The following SDK1 variants were observed in gnomAD, a reference collection of about 807,000 sequenced individuals.
SDK1 encodes the protein sidekick cell adhesion molecule 1, also known as protein sidekick-1.
Under a neutral mutation model 245.5 loss-of-function variants are expected in SDK1, and 157 were observed. The ratio of observed to expected loss-of-function variants is 0.64; its 90% CI spans 0.56 to 0.73. The LOEUF is 0.73. Ranked by LOEUF, SDK1 falls within the 30% of genes least tolerant of loss-of-function variation. The probability of loss-of-function intolerance (pLI) is 0.00; values close to 1 mark genes in which losing one functional copy is unlikely to be tolerated. For synonymous variants in SDK1, 1,647 were observed against 1,278.5 expected (o/e 1.29, Z -6.15); for missense variants, 3,583 against 3,002.3 (o/e 1.19, Z -4.52).
rs201304360 is a variant in SDK1 at position 3,975,940 on chromosome 7, G to A, written c.1994+1395G>A. The stretch of plus-strand genomic sequence containing the variant: ...CCTCCAGAGAATCACTGAGGGTCCC[G>A]GGGCTGAGGCTGCCACGCAGAGGGT... On this transcript the variant is annotated intron_variant, in intron 13 of 44. Coordinates refer to ENST00000404826, the MANE Select transcript of SDK1 (RefSeq NM_152744.4). Among the ~76,000 whole-genome samples, 448 of 139,960 alleles carry A rather than the reference G, an allele frequency of 3.2e-3. 1 individual carries two copies. Among genetic ancestry groups the A allele is most frequent in the African/African-American group, 0.011 (405 of 37,850 alleles). The allele number at this position is 139,960 out of a possible 152,430, so 91.8% of individuals were successfully genotyped here. A position where few individuals can be genotyped will look rare whatever the true frequency, so the allele number is the denominator to read the frequency against.
intron 1 of SDK1, among the ~76,000 whole-genome samples, chr7:3,375,072 C>T (rs1328332461): frequency 1.3e-5 from 2 of 152,090 alleles, no homozygotes; most frequent in Non-Finnish European, 2.9e-5. Context: ...TAACGTTTTA[C>T]ATGTTTAATG....
intron 5 of SDK1, among the ~76,000 whole-genome samples, chr7:3,861,891 A>G (rs1780701227): frequency 6.6e-6 from 1 of 152,166 alleles, no homozygotes; most frequent in Non-Finnish European, 1.5e-5. Context: ...TCCCAGTGTA[A>G]AGGTGGTAAA....
intron 41 of SDK1, among the ~76,000 whole-genome samples, chr7:4,236,329 C>CCG (rs2128236760): frequency 1.3e-5 from 2 of 152,342 alleles, no homozygotes; most frequent in South Asian, 4.1e-4. Context: ...ATACAATTTC[C>CCG]CGCTTTTCTG....
chr7:4,214,855 G>T (rs184626843), intron 38 of SDK1, among the ~76,000 whole-genome samples: 29 of 152,308 alleles, frequency 1.9e-4, no homozygotes, highest in African/African-American at 6.7e-4. Flanking sequence ...GGTCTTTCCC[G>T]CCACAACACC....
At position 4,026,695 on chromosome 7, in the gene SDK1, C is replaced by T. The variant is rs879559276; in HGVS notation, c.2602+9343C>T. On this transcript the variant is annotated intron_variant, in intron 17 of 44. Coordinates refer to ENST00000404826, the MANE Select transcript of SDK1 (RefSeq NM_152744.4). The surrounding 1 kb of genome is among the most constrained non-coding windows in gnomAD (Gnocchi z 4.1). ...GCTTATTTGTCAAAGGTTTGTTAAC[C>T]TAATAATGCCGTAGAAATGTTTAAT... 6.6e-6 allele frequency among the ~76,000 whole-genome samples: 1 copy of T among 152,188 alleles called. No individual in the cohort carries two copies. The highest frequency in any genetic ancestry group is 6.5e-5 in the Admixed American group (1 of 15,274).
At chr7:3,967,787 G>A (rs2128131717) in intron 10 of SDK1, among the ~76,000 whole-genome samples, 1 of 152,306 alleles carries the variant, frequency 6.6e-6, no homozygotes, top group Middle Eastern at 3.4e-3. Context: ...TGACAGGAGG[G>A]GGAGCTCAGG....
chr7:4,171,945 C>A (rs1241663365), intron 32 of SDK1, among the ~76,000 whole-genome samples: 1 of 152,208 alleles, frequency 6.6e-6, no homozygotes, highest in African/African-American at 2.4e-5. Flanking sequence ...GCCCCCACCC[C>A]CAGACGACAG....
At chr7:3,310,718 G>T (rs1779529972) in intron 1 of SDK1, among the ~76,000 whole-genome samples, 2 of 152,184 alleles carry the variant, frequency 1.3e-5, no homozygotes, top group Non-Finnish European at 1.5e-5. Context: ...GCAACCAGAG[G>T]AGGGTCTGGG....
At chr7:3,558,347 C>T (rs917689527) in intron 1 of SDK1, among the ~76,000 whole-genome samples, 8 of 152,224 alleles carry the variant, frequency 5.3e-5, no homozygotes, top group African/African-American at 1.9e-4. Flanking sequence ...TTTCTTCTCC[C>T]TGGATTTTGG....
chr7:3,843,908 A>C (rs933711415), intron 5 of SDK1, among the ~76,000 whole-genome samples: 1 of 152,232 alleles, frequency 6.6e-6, no homozygotes, highest in Non-Finnish European at 1.5e-5. Flanking sequence ...TATTATGTTG[A>C]TCAAACATTT....
In SDK1 at chr7:3,665,795, T is replaced by C. The variant is rs117756176; in HGVS notation, c.713+23690T>C. Among the ~76,000 whole-genome samples, 814 of 152,316 alleles carry C rather than the reference T, an allele frequency of 5.3e-3. 6 individuals are homozygous for C. Among genetic ancestry groups the C allele is most frequent in the South Asian group, 0.02 (95 of 4,822 alleles). ...CTCCAAAGTCTGGAGACAAAAGTGA[T>C]AAAGTTGATTCATGCTTGGAGTATC... On this transcript the variant is annotated intron_variant, in intron 4 of 44. Transcript: ENST00000404826.
At chr7:3,968,319 G>C (rs575974245) in intron 10 of SDK1, among the ~76,000 whole-genome samples, 1 of 152,360 alleles carries the variant, frequency 6.6e-6, no homozygotes, top group South Asian at 2.1e-4. Context: ...ACAGCACACA[G>C]AGTCCATCCT....
intron 20 of SDK1, among the ~76,000 whole-genome samples, chr7:4,068,781 G>T (rs188369391): frequency 9.2e-5 from 14 of 152,042 alleles, no homozygotes; most frequent in African/African-American, 3.1e-4. Flanking sequence ...GAGTGCGGTG[G>T]CGTGATCTCG....
At chr7:3,389,630 T>C (rs956096288) in intron 1 of SDK1, among the ~76,000 whole-genome samples, 5 of 152,202 alleles carry the variant, frequency 3.3e-5, no homozygotes, top group African/African-American at 1.2e-4. Context: ...ATAGGTGTGG[T>C]GGCTCAAGTC....
chr7:3,831,593 G>C (rs1403965138), intron 5 of SDK1, among the ~76,000 whole-genome samples: 1 of 152,148 alleles, frequency 6.6e-6, no homozygotes, highest in Non-Finnish European at 1.5e-5. Context: ...TATTTTTGCT[G>C]AGTGTAGGCC....
chr7:3,802,175 G>A (rs1385623445), intron 4 of SDK1, among the ~76,000 whole-genome samples: 2 of 152,114 alleles, frequency 1.3e-5, no homozygotes, highest in African/African-American at 4.8e-5. Flanking sequence ...AGTACAATGT[G>A]TGTTTGTAGT....
At chr7:4,138,440 A>G (rs1489366792) in intron 28 of SDK1, among the ~76,000 whole-genome samples, 1 of 152,162 alleles carries the variant, frequency 6.6e-6, no homozygotes, top group Non-Finnish European at 1.5e-5. Context: ...GAGTACTCAT[A>G]TGCGTAGAAA....
rs1782323229 is a variant in SDK1, at chr7:3,969,509, C to A, written c.1714+85C>A. ...CGTGTGCTTTGGGGATGTCAGCATGCCCTTGGGCTTGCTAATTTAATCAAA... is the reference window on the plus strand; with the variant it reads ...CGTGTGCTTTGGGGATGTCAGCATGACCTTGGGCTTGCTAATTTAATCAAA... On this transcript the variant is annotated intron_variant, in intron 11 of 44. Coordinates refer to ENST00000404826, the MANE Select transcript of SDK1 (RefSeq NM_152744.4). 5.9e-6 allele frequency: 6 copies of A among 1,019,816 alleles called. No homozygotes were observed. In the East Asian group the frequency reaches 1.4e-4, roughly 24 times the overall value. The allele number at this position is 1,019,816 out of a possible 1,614,324, so 63.2% of individuals were successfully genotyped here.
chr7:4,083,820 T>A (rs997415004), intron 22 of SDK1, among the ~76,000 whole-genome samples: 1 of 115,718 alleles, frequency 8.6e-6, no homozygotes, highest in Non-Finnish European at 1.8e-5. Context: ...CCTTTCTTCC[T>A]CTCTCCCTTC....
Sources: gnomAD v4.1 joint callset for allele counts (sites outside exome capture counted in the v4.1 genomes callset) on GRCh38, gnomAD v4.1.1 for gene constraint, Gnocchi (gnomAD v3.1) non-coding constraint, MANE v1.5 for transcripts, NCBI Gene and HGNC (gene_info 2026-07-23, HGNC 2026-07-21) for gene names.